NFATC1: variants seen among roughly 807,000 people sequenced by gnomAD.
The protein encoded by NFATC1 is nuclear factor of activated T-cells, cytoplasmic 1.
A neutral mutation model predicts 76.0 loss-of-function variants in NFATC1; 22 were observed. That is an observed-to-expected ratio of 0.29 (90% CI 0.21 to 0.41). The LOEUF is 0.41. Among genes scored for constraint, NFATC1 ranks in the 10% least tolerant of loss-of-function variants. The probability of loss-of-function intolerance (pLI) is 1.00; values close to 1 mark genes in which losing one functional copy is unlikely to be tolerated. For missense variants in NFATC1, 1,357 were observed against 1,337.7 expected (o/e 1.01, Z -0.23); for synonymous variants, 704 against 613.1 (o/e 1.15, Z -2.19).
At chr18:79,429,942 ATG>A (rs980562505) in intron 2 of NFATC1, among the ~76,000 whole-genome samples, 15 of 152,182 alleles carry the variant, frequency 9.9e-5, no homozygotes, top group African/African-American at 3.1e-4. Context: ...CCATGTTTAA[ATG>A]TGTTTAGATT....
intron 2 of NFATC1, among the ~76,000 whole-genome samples, chr18:79,424,971 C>G (rs2086250998): frequency 7.5e-6 from 1 of 132,658 alleles, no homozygotes; most frequent in African/African-American, 3.3e-5. Flanking sequence ...CTCTCCGTCT[C>G]TGTCTCTCTG....
At chr18:79,485,348 T>C (rs116604789) in intron 8 of NFATC1, among the ~76,000 whole-genome samples, 1 of 152,270 alleles carries the variant, frequency 6.6e-6, no homozygotes, top group Non-Finnish European at 1.5e-5. Context: ...CTGAGCCGTC[T>C]GATGTCTCCT....
At position 79,486,579 on chromosome 18, in the gene NFATC1, C is replaced by T. The variant is rs1388804503; in HGVS notation, c.2424C>T (p.Ala808=). Residue 808 remains alanine (A), a synonymous_variant, in exon 9 of 10, where the codon GCC becomes GCT. Coordinates refer to ENST00000427363, the MANE Select transcript of NFATC1 (RefSeq NM_001278669.2). ...PAVQDVPRPV[A]THPGSPGQPP... is the part of the protein sequence containing the mutation. ...TCCAGGACGTGCCCAGGCCAGTGGC[C>T]ACGCACCCCGGCTCGCCCGGGCAGC... 1 of 1,591,202 alleles carries T rather than the reference C, an allele frequency of 6.3e-7. No homozygotes were observed.
intron 9 of NFATC1, among the ~76,000 whole-genome samples, chr18:79,522,311 G>A (rs1397570622): frequency 1.8e-5 from 2 of 114,116 alleles, no homozygotes; most frequent in East Asian, 3.0e-4. Flanking sequence ...AGGGGCTGGC[G>A]CCTGCTGATG....
intron 9 of NFATC1, among the ~76,000 whole-genome samples, chr18:79,514,805 G>A (rs373123435): frequency 6.6e-6 from 1 of 151,534 alleles, no homozygotes; most frequent in Non-Finnish European, 1.5e-5. Context: ...TAGCATGTTG[G>A]GAGGCTGAGG....
intron 9 of NFATC1, among the ~76,000 whole-genome samples, chr18:79,489,756 G>A (rs1006881039): frequency 7.9e-5 from 12 of 152,210 alleles, no homozygotes; most frequent in Admixed American, 2.6e-4. Flanking sequence ...GGCCGGTCCT[G>A]GGACCTTGAG....
intron 9 of NFATC1, among the ~76,000 whole-genome samples, chr18:79,521,740 G>A (rs1458730593): frequency 1.2e-4 from 10 of 86,476 alleles, no homozygotes; most frequent in African/African-American, 4.6e-4. Context: ...TGTGTGTGGG[G>A]TGCATCCACA....
At chr18:79,511,560 G>A (rs1027610268) in intron 9 of NFATC1, among the ~76,000 whole-genome samples, 10 of 152,158 alleles carry the variant, frequency 6.6e-5, no homozygotes, top group African/African-American at 1.9e-4. Context: ...GGGAAGCCTC[G>A]CCGTGCCCAG....
intron 1 of NFATC1, among the ~76,000 whole-genome samples, chr18:79,403,670 G>A (rs2085341087): frequency 6.6e-6 from 1 of 152,282 alleles, no homozygotes; most frequent in Non-Finnish European, 1.5e-5. Flanking sequence ...CCGAACCTCT[G>A]TGTGCCCGGG....
intron 1 of NFATC1, among the ~76,000 whole-genome samples, chr18:79,403,064 A>C (rs1334656972): frequency 6.6e-6 from 1 of 152,202 alleles, no homozygotes; most frequent in Non-Finnish European, 1.5e-5. Context: ...ATCCCCTGAG[A>C]AGGGGCTGTA....
intron 3 of NFATC1, among the ~76,000 whole-genome samples, chr18:79,439,757 G>T (rs562210570): frequency 2.2e-4 from 34 of 152,274 alleles, no homozygotes; most frequent in African/African-American, 7.9e-4. Flanking sequence ...TATGATGAAC[G>T]AGGATTCACC....
At chr18:79,400,592 G>C in intron 1 of NFATC1, 1 of 996,042 alleles carries the variant, frequency 1.0e-6, no homozygotes, top group Non-Finnish European at 1.3e-6. Context: ...TCCCCGGCGC[G>C]CCCGGGACCG....
At chr18:79,520,047 G>A (rs908881426) in intron 9 of NFATC1, among the ~76,000 whole-genome samples, 3 of 152,234 alleles carry the variant, frequency 2.0e-5, no homozygotes, top group Admixed American at 6.5e-5. Context: ...CACACCAGGA[G>A]AGGGGGCGTT....
At chr18:79,523,822 C>T (rs996485882) in intron 9 of NFATC1, 3 of 152,148 alleles carry the variant, frequency 2.0e-5, no homozygotes, top group Non-Finnish European at 4.4e-5. Flanking sequence ...AAAAAAAGCC[C>T]TCCTTATTAA....
At chr18:79,417,445 GTGGGAGA>G (rs1291989295) in intron 2 of NFATC1, among the ~76,000 whole-genome samples, 3 of 42,674 alleles carry the variant, frequency 7.0e-5, no homozygotes, top group Non-Finnish European at 9.6e-5. Flanking sequence ...ATGGGCTGTG[GTGGGAGA>G]TGGGAGATGG....
intron 9 of NFATC1, among the ~76,000 whole-genome samples, chr18:79,522,713 C>T (rs1356320726): frequency 1.3e-5 from 2 of 152,054 alleles, no homozygotes; most frequent in South Asian, 2.1e-4. Flanking sequence ...AGGGAAGGGA[C>T]GGGGGCCAGA....
rs2090700037 is a variant in NFATC1, at chr18:79,524,561, C to T, written c.2783-2967C>T. ...GAACACACTTGACCCGGCGCTGGGACGGGGTCGGCCCACACGCACCGCCAG... is the reference window on the plus strand; with the variant it reads ...GAACACACTTGACCCGGCGCTGGGATGGGGTCGGCCCACACGCACCGCCAG... On this transcript the variant is annotated intron_variant, in intron 9 of 9. Coordinates refer to ENST00000427363, the MANE Select transcript of NFATC1 (RefSeq NM_001278669.2). This position sits in a 1 kb window ranked among gnomAD's most constrained non-coding sequence, Gnocchi z 7.2. Among the ~76,000 whole-genome samples, 1 of 152,186 alleles carries T rather than the reference C, an allele frequency of 6.6e-6. No individual in the cohort carries two copies. Among genetic ancestry groups the T allele is most frequent in the South Asian group, 2.1e-4 (1 of 4,836 alleles).
At chr18:79,483,409 T>C (rs56391081) in intron 8 of NFATC1, among the ~76,000 whole-genome samples, 2 of 106,454 alleles carry the variant, frequency 1.9e-5, no homozygotes, top group Non-Finnish European at 3.6e-5. Context: ...ATGACCTGGT[T>C]CGTGGGGTGT....
Position 79,473,585 on chromosome 18 carries a change from CGTTGT to C in NFATC1, c.2092+6004_2092+6008del, listed in dbSNP as rs1569004670. Among the ~76,000 whole-genome samples the C allele has an allele frequency of 1.5e-4, 22 of 146,280 alleles. No individual in the cohort carries two copies. The East Asian group carries it at 3.3e-3, about 22-fold the overall frequency. On this transcript the variant is annotated intron_variant, in intron 8 of 9. Transcript: ENST00000427363. ...AGCGTGTTCTCGCGCTCACTGTCGACGTTGTAAACCTGAGGGAAGCGTGTTCTCAC... is the reference window on the plus strand; with the variant it reads ...AGCGTGTTCTCGCGCTCACTGTCGACAAACCTGAGGGAAGCGTGTTCTCAC...
Sources: allele counts gnomAD v4.1 joint callset (sites outside exome capture counted in the v4.1 genomes callset), GRCh38; gene constraint gnomAD v4.1.1; non-coding constraint Gnocchi (gnomAD v3.1); transcripts MANE v1.5; gene names NCBI Gene and HGNC (gene_info 2026-07-23, HGNC 2026-07-21).